Variants in CD109 observed in about 807,000 individuals in gnomAD.
CD109 encodes the protein CD109 antigen.
In CD109, 149 loss-of-function variants were observed where a neutral mutation model predicts 165.8. That is an observed-to-expected ratio of 0.90 (90% CI 0.79 to 1.03). The LOEUF (loss-of-function observed/expected upper bound fraction) is 1.03, where lower values mean the gene tolerates loss of function less well. Among genes scored for constraint, CD109 ranks in the 50% least tolerant of loss-of-function variants. The probability of loss-of-function intolerance (pLI) is 0.00; values close to 1 mark genes in which losing one functional copy is unlikely to be tolerated. For synonymous variants in CD109, 585 were observed against 592.1 expected (o/e 0.99, Z 0.18); for missense variants, 1,712 against 1,677.8 (o/e 1.02, Z -0.36).
At chr6:73,815,290 G>A (rs1197560707) in intron 30 of CD109, among the ~76,000 whole-genome samples, 167 bp downstream of exon 30, 1 of 152,102 alleles carries the variant, frequency 6.6e-6, no homozygotes, top group Non-Finnish European at 1.5e-5. Flanking sequence ...TTATATTCAA[G>A]CATTTATTAG....
Position 73,815,006 on chromosome 6 carries a change from C to T in CD109, c.3794C>T (p.Ala1265Val), listed in dbSNP as rs376359448. The T allele has an allele frequency of 5.7e-6, 9 of 1,574,330 alleles. No individual in the cohort carries two copies. The African/African-American group carries it at 1.1e-4, about 19-fold the overall frequency. Residue 1265 changes from alanine (A) to valine (V), a missense_variant, in exon 30 of 33, where the codon GCT becomes GTT. Physicochemically the swap from Ala to Val is moderately conservative, Grantham distance 64 (BLOSUM62 0). Transcript: ENST00000287097. ...CQLNVVYNVK[A>V]SGSSRRRRSI... ...CTCAATGTTGTATATAATGTGAAGG[C>T]TTCTGGGTCTTCTAGAAGACGAAGA...
rs75719906 is a variant in CD109, at chr6:73,826,093, C to G, written c.*2460C>G. The G allele has an allele frequency of 0.049, 7,468 of 152,254 alleles. 260 individuals are homozygous for G. The highest frequency in any genetic ancestry group is 0.087 in the East Asian group (451 of 5,186). 9.4% of individuals were successfully genotyped at this position (152,254 alleles called of 1,614,324 possible). On this transcript the variant is annotated 3_prime_UTR_variant, in exon 33 of 33. Transcript: ENST00000287097. ...ATAAAGGGTTAGCTAGCACTGTCTC[C>G]TGGTGCATGGGGCTGTGCAGATGTC...
intron 23 of CD109, among the ~76,000 whole-genome samples, chr6:73,801,422 ATAAAGGTATAATC>A (rs1432342810): frequency 6.6e-6 from 1 of 152,264 alleles, no homozygotes; most frequent in Non-Finnish European, 1.5e-5. Flanking sequence ...AATTAGAAAC[ATAAAGGTATAATC>A]TAATGTTCCC....
chr6:73,751,954 T>C (rs1773205200), intron 5 of CD109, among the ~76,000 whole-genome samples: 1 of 152,246 alleles, frequency 6.6e-6, no homozygotes, highest in South Asian at 2.1e-4. Context: ...ATAGTTGACA[T>C]CTATTGTCTT....
chr6:73,810,995 A>G lies in CD109; in HGVS notation c.3550A>G (p.Thr1184Ala). ...SLGGFASTQD[T>A]TVALKALSEF... is the part of the protein sequence containing the mutation. ...AATGTTTTTCTTCCCTCAACAGGAT[A>G]CCACTGTGGCTTTAAAGGCTCTGTC... The change falls in exon 28 of 33, where the codon ACC becomes GCC. Residue 1184 changes from threonine to alanine, a missense_variant. Physicochemically the swap from Thr to Ala is moderately conservative, Grantham distance 58 (BLOSUM62 0). Coordinates refer to ENST00000287097, the MANE Select transcript of CD109 (RefSeq NM_133493.5). 6.2e-7 allele frequency: 1 copy of G among 1,612,488 alleles called. No individual in the cohort carries two copies. Among genetic ancestry groups the G allele is most frequent in the Non-Finnish European group, 8.5e-7 (1 of 1,179,098 alleles).
At chr6:73,770,582 TAAAAAAGTTAC>T (rs1774000987) in intron 14 of CD109, among the ~76,000 whole-genome samples, 2 of 151,984 alleles carry the variant, frequency 1.3e-5, no homozygotes, top group Admixed American at 6.6e-5. Context: ...CTGTCTCTAC[TAAAAAAGTTAC>T]AAAAATTAGC....
chr6:73,814,243 C>G (rs1262935559), intron 29 of CD109, among the ~76,000 whole-genome samples: 2 of 151,930 alleles, frequency 1.3e-5, no homozygotes. Context: ...TACAAAGCAA[C>G]AGTAAGCTTT....
At chr6:73,789,389 C>T (rs901665180) in intron 22 of CD109, among the ~76,000 whole-genome samples, 10 of 151,686 alleles carry the variant, frequency 6.6e-5, no homozygotes, top group Admixed American at 3.3e-4. Flanking sequence ...AGCTGGTTGA[C>T]GTAGTCATCA....
rs145487915 is a variant in CD109, at chr6:73,801,123, T to C, written c.2879-2097T>C. On this transcript the variant is annotated intron_variant, in intron 23 of 32. Transcript: ENST00000287097. ...AAGTCTTTTCTTCTTTTATCATGTT[T>C]AATAATTGGAAGAGCTCTGTGATTT... 3.0e-3 allele frequency among the ~76,000 whole-genome samples: 460 copies of C among 152,342 alleles called. 3 individuals are homozygous for C. Among genetic ancestry groups the C allele is most frequent in the African/African-American group, 0.011 (439 of 41,558 alleles).
chr6:73,773,367 G>A (rs1290864054), intron 15 of CD109, among the ~76,000 whole-genome samples: 1 of 151,540 alleles, frequency 6.6e-6, no homozygotes, highest in East Asian at 1.9e-4. Flanking sequence ...CTTTTAAATA[G>A]CATATTATTA....
chr6:73,763,666 C>A lies in CD109; in HGVS notation c.1088C>A (p.Ser363Tyr), dbSNP rs770106061. 4.4e-6 allele frequency: 7 copies of A among 1,576,766 alleles called. No homozygotes were observed. Among genetic ancestry groups the A allele is most frequent in the South Asian group, 1.2e-5 (1 of 84,438 alleles). The change falls in exon 10 of 33, where the codon TCT (serine) becomes TAT (tyrosine). Residue 363 changes from serine (S) to tyrosine (Y), a missense_variant. Physicochemically the swap from Ser to Tyr is moderately radical, Grantham distance 144. Transcript: ENST00000287097. ...FFDYTTVLKP[S>Y]LNFTATVKVT... ...GATTATACTACTGTCTTGAAGCCATCTCTCAACTTCACAGCCACTGTAAGT... is the reference window on the plus strand; with the variant it reads ...GATTATACTACTGTCTTGAAGCCATATCTCAACTTCACAGCCACTGTAAGT...
At chr6:73,722,252 T>A (rs1768822009) in intron 2 of CD109, among the ~76,000 whole-genome samples, 1 of 152,214 alleles carries the variant, frequency 6.6e-6, no homozygotes, top group Non-Finnish European at 1.5e-5. Flanking sequence ...TTTCAAGTGT[T>A]TTCTATGTGT....
At chr6:73,736,615 T>G in intron 5 of CD109, 107 bp downstream of exon 5, 1 of 925,976 alleles carries the variant, frequency 1.1e-6, no homozygotes, top group Admixed American at 2.7e-5. Flanking sequence ...AAAATTAATG[T>G]GAACATTTAG....
Position 73,818,485 on chromosome 6 carries a change from G to A in CD109, c.4009G>A (p.Val1337Met). ...AGAAGCAATTTCTCTGAGCGAGACAGTGAAGAAAGTGGAATATGATCATGG... is the reference window on the plus strand; with the variant it reads ...AGAAGCAATTTCTCTGAGCGAGACAATGAAGAAAGTGGAATATGATCATGG... Reference protein sequence around the residue: ...PSEAISLSETVKKVEYDHGKL... With the variant: ...PSEAISLSETMKKVEYDHGKL... Residue 1337 changes from valine to methionine, a missense_variant, in exon 31 of 33, where the codon GTG becomes ATG. By Grantham distance (21) the Val-to-Met change is conservative (BLOSUM62 1). Transcript: ENST00000287097. 1 of 1,613,346 alleles carries A rather than the reference G, an allele frequency of 6.2e-7. No homozygotes were observed. Among genetic ancestry groups the A allele is most frequent in the South Asian group, 1.1e-5 (1 of 90,842 alleles).
chr6:73,683,503 G>A, the CD109 span, among the ~76,000 whole-genome samples: 10 of 152,108 alleles, frequency 6.6e-5, no homozygotes, highest in African/African-American at 1.7e-4. Flanking sequence ...AGTTCCAAAC[G>A]TTCCCACATT....
At chr6:73,806,430 G>A (rs2150293509) in intron 24 of CD109, among the ~76,000 whole-genome samples, 1 of 152,214 alleles carries the variant, frequency 6.6e-6, no homozygotes, top group East Asian at 1.9e-4. Flanking sequence ...GTTAATGGGT[G>A]CAGCACACCA....
chr6:73,751,683 C>A (rs1428945234), intron 5 of CD109, among the ~76,000 whole-genome samples: 2 of 152,138 alleles, frequency 1.3e-5, no homozygotes, highest in African/African-American at 4.8e-5. Flanking sequence ...GAGGATGCTC[C>A]CAGGGACACA....
intron 23 of CD109, among the ~76,000 whole-genome samples, chr6:73,802,920 G>A (rs1009565877): frequency 2.0e-5 from 3 of 152,094 alleles, no homozygotes; most frequent in East Asian, 1.9e-4. Flanking sequence ...AGCTGGTCTC[G>A]AAGTCCTGAC....
At chr6:73,726,702 A>G (rs746259368) in intron 3 of CD109, among the ~76,000 whole-genome samples, 5 of 152,208 alleles carry the variant, frequency 3.3e-5, no homozygotes, top group Non-Finnish European at 7.3e-5. Context: ...CTAGGCAGAG[A>G]GCTATCATCT....
Sources: gnomAD v4.1 joint callset for allele counts (sites outside exome capture counted in the v4.1 genomes callset) on GRCh38, gnomAD v4.1.1 for gene constraint, MANE v1.5 for transcripts, NCBI Gene and HGNC (gene_info 2026-07-23, HGNC 2026-07-21) for gene names.